PRKCE: variants seen among roughly 807,000 people sequenced by gnomAD.
The protein encoded by PRKCE is protein kinase C epsilon type.
PRKCE carries 16 observed loss-of-function variants against 85.4 expected under a neutral mutation model. The observed-to-expected ratio is 0.19, with a 90% CI of 0.13 to 0.28. The LOEUF (loss-of-function observed/expected upper bound fraction) is 0.28, where lower values mean the gene tolerates loss of function less well. Ranked by LOEUF, PRKCE falls within the 10% of genes least tolerant of loss-of-function variation. The pLI is 1.00. For synonymous variants in PRKCE, 388 were observed against 371.5 expected (o/e 1.04, Z -0.51); for missense variants, 573 against 975.2 (o/e 0.59, Z 5.49).
rs1359203332 is a variant in PRKCE at position 46,028,034 on chromosome 2, C to T, written c.1437+17517C>T. Among the ~76,000 whole-genome samples the T allele has an allele frequency of 4.6e-5, 7 of 152,050 alleles. 1 individual carries two copies. Among genetic ancestry groups the T allele is most frequent in the Admixed American group, 1.3e-4 (2 of 15,278 alleles). On this transcript the variant is annotated intron_variant, in intron 10 of 14. Transcript: ENST00000306156. ...TTAGCTCACTGCAGCCTCCGCCTCC[C>T]GGGTTCACGTGATTCTCCTGCCTCA...
intron 1 of PRKCE, among the ~76,000 whole-genome samples, chr2:45,814,571 G>A (rs1296268401): frequency 6.6e-6 from 1 of 152,172 alleles, no homozygotes; most frequent in Non-Finnish European, 1.5e-5. Flanking sequence ...ATATGTACTT[G>A]TACATGGAAA....
At chr2:45,728,102 C>T (rs911245566) in intron 1 of PRKCE, among the ~76,000 whole-genome samples, 22 of 152,178 alleles carry the variant, frequency 1.4e-4, no homozygotes, top group African/African-American at 5.3e-4. Flanking sequence ...AAGCCTGCTC[C>T]TTCTGTGTAA....
At position 45,651,943 on chromosome 2, in the gene PRKCE, C is replaced by T. The variant is rs1675145187; in HGVS notation, c.-158C>T. 1 of 593,984 alleles carries T rather than the reference C, an allele frequency of 1.7e-6. No homozygotes were observed. Among genetic ancestry groups the T allele is most frequent in the Non-Finnish European group, 2.9e-6 (1 of 344,554 alleles). 36.8% of individuals were successfully genotyped at this position (593,984 alleles called of 1,614,324 possible). A position where few individuals can be genotyped will look rare whatever the true frequency, so the allele number is the denominator to read the frequency against. Reference sequence around the variant, plus strand: ...AATACATGCACTGGCTGAGAATCGCCCGCGCCAGGGCGCAACGCCACAAGG... The same window carrying T: ...AATACATGCACTGGCTGAGAATCGCTCGCGCCAGGGCGCAACGCCACAAGG... On this transcript the variant is annotated 5_prime_UTR_variant, in exon 1 of 15. Coordinates refer to ENST00000306156, the MANE Select transcript of PRKCE (RefSeq NM_005400.3).
chr2:45,780,160 T>G (rs1042407358), intron 1 of PRKCE, among the ~76,000 whole-genome samples: 11 of 152,232 alleles, frequency 7.2e-5, no homozygotes, highest in Non-Finnish European at 1.5e-4. Flanking sequence ...AGTGTTCAAA[T>G]TTTTCCACTT....
intron 1 of PRKCE, among the ~76,000 whole-genome samples, chr2:45,678,810 G>C (rs1384926634): frequency 6.6e-6 from 1 of 151,972 alleles, no homozygotes; most frequent in Non-Finnish European, 1.5e-5. Context: ...TTGGGAATTT[G>C]TGAAACTTAA....
At chr2:46,027,596 G>C (rs1707211757) in intron 10 of PRKCE, among the ~76,000 whole-genome samples, 1 of 152,194 alleles carries the variant, frequency 6.6e-6, no homozygotes, top group Non-Finnish European at 1.5e-5. Context: ...ACAAGAACAT[G>C]AAAGCATCCA....
At chr2:45,712,346 G>A (rs904439576) in intron 1 of PRKCE, among the ~76,000 whole-genome samples, 2 of 151,624 alleles carry the variant, frequency 1.3e-5, no homozygotes, top group African/African-American at 4.8e-5. Context: ...GTAGAGACGA[G>A]GGTTCCCCAT....
chr2:46,175,988 C>T (rs1019675077), intron 14 of PRKCE, among the ~76,000 whole-genome samples: 1 of 152,096 alleles, frequency 6.6e-6, no homozygotes. Context: ...AAAAACTCAC[C>T]GTCTGGAGAT....
intron 2 of PRKCE, among the ~76,000 whole-genome samples, chr2:45,866,027 C>T (rs1693578474): frequency 6.6e-6 from 1 of 151,954 alleles, no homozygotes; most frequent in African/African-American, 2.4e-5. Flanking sequence ...CCTGTGTTGC[C>T]CAGGCTGGTC....
intron 1 of PRKCE, among the ~76,000 whole-genome samples, chr2:45,657,831 G>T (rs996199613): frequency 6.6e-6 from 1 of 152,152 alleles, no homozygotes; most frequent in African/African-American, 2.4e-5. Context: ...CTCTGAGGCC[G>T]TTCTCCCTTG....
At chr2:45,845,156 C>T (rs753508222) in intron 2 of PRKCE, among the ~76,000 whole-genome samples, 1 of 150,378 alleles carries the variant, frequency 6.6e-6, no homozygotes, top group South Asian at 2.1e-4. Flanking sequence ...TGAGAAGCTG[C>T]TCTTGTTGTT....
At chr2:45,663,054 C>T (rs1017309351) in intron 1 of PRKCE, among the ~76,000 whole-genome samples, 5 of 152,102 alleles carry the variant, frequency 3.3e-5, no homozygotes, top group Non-Finnish European at 5.9e-5. Flanking sequence ...GAGTGGGAGC[C>T]TTATTTATTT....
At chr2:45,830,136 G>A (rs538793333) in intron 1 of PRKCE, among the ~76,000 whole-genome samples, 1 of 151,838 alleles carries the variant, frequency 6.6e-6, no homozygotes, top group South Asian at 2.1e-4. Context: ...ATAATGGTTT[G>A]GGGAGAACTA....
intron 1 of PRKCE, among the ~76,000 whole-genome samples, chr2:45,793,533 G>C (rs998757316): frequency 2.6e-5 from 4 of 152,154 alleles, no homozygotes; most frequent in Non-Finnish European, 4.4e-5. Context: ...TTTTTCTCTA[G>C]CAATGGTAAA....
chr2:45,890,781 A>G (rs546084922), intron 2 of PRKCE, among the ~76,000 whole-genome samples: 22 of 152,194 alleles, frequency 1.4e-4, no homozygotes, highest in Non-Finnish European at 2.4e-4. Context: ...CTCTACAAGT[A>G]TATGGAGTGC....
intron 2 of PRKCE, among the ~76,000 whole-genome samples, chr2:45,906,239 G>A (rs1696965318): frequency 6.6e-6 from 1 of 152,240 alleles, no homozygotes; most frequent in South Asian, 2.1e-4. Context: ...CCGCTGGTGT[G>A]CTGGTGCTGA....
chr2:45,826,696 A>G (rs777314033), intron 1 of PRKCE, among the ~76,000 whole-genome samples: 14 of 151,868 alleles, frequency 9.2e-5, no homozygotes, highest in Non-Finnish European at 1.8e-4. Context: ...TGTTCACCCC[A>G]CCCACCCTGT....
chr2:45,921,753 G>C (rs943861711), intron 2 of PRKCE, among the ~76,000 whole-genome samples: 2 of 152,210 alleles, frequency 1.3e-5, no homozygotes, highest in Non-Finnish European at 2.9e-5. Context: ...CCTTCTGCGA[G>C]ACCTTTGAGG....
At chr2:45,744,453 CTTTCTTTCTTTCT>C (rs1682893754) in intron 1 of PRKCE, among the ~76,000 whole-genome samples, 1 of 58,280 alleles carries the variant, frequency 1.7e-5, no homozygotes. Context: ...TTCTTTCTTT[CTTTCTTTCTTTCT>C]TTCTTTCTTT....
Sources: gnomAD v4.1 joint callset for allele counts (sites outside exome capture counted in the v4.1 genomes callset) on GRCh38, gnomAD v4.1.1 for gene constraint, MANE v1.5 for transcripts, NCBI Gene and HGNC (gene_info 2026-07-23, HGNC 2026-07-21) for gene names.